KIAA1549L: variants seen among roughly 807,000 people sequenced by gnomAD.
KIAA1549L encodes KIAA1549 like.
KIAA1549L carries 88 observed loss-of-function variants against 160.7 expected under a neutral mutation model. That is an observed-to-expected ratio of 0.55 (90% CI 0.46 to 0.65). The LOEUF is 0.65. Ranked by LOEUF, KIAA1549L falls within the 30% of genes least tolerant of loss-of-function variation. The pLI is 0.00. For synonymous variants in KIAA1549L, 950 were observed against 976.7 expected (o/e 0.97, Z 0.51); for missense variants, 2,258 against 2,437.5 (o/e 0.93, Z 1.55).
At chr11:33,623,205 C>T (rs1851006850) in intron 16 of KIAA1549L, among the ~76,000 whole-genome samples, 1 of 152,202 alleles carries the variant, frequency 6.6e-6, no homozygotes, top group Non-Finnish European at 1.5e-5. Flanking sequence ...TGCCCTGGTG[C>T]TGCGTAATGG....
At chr11:33,658,469 C>T (rs1177537931) in intron 18 of KIAA1549L, among the ~76,000 whole-genome samples, 1 of 152,162 alleles carries the variant, frequency 6.6e-6, no homozygotes, top group Non-Finnish European at 1.5e-5. Flanking sequence ...TGTTCTACCA[C>T]CCAGAGACAT....
In KIAA1549L at chr11:33,552,189, T is replaced by A; in HGVS notation, c.3803T>A (p.Phe1268Tyr). 6.2e-7 allele frequency: 1 copy of A among 1,611,022 alleles called. No individual in the cohort carries two copies. Among genetic ancestry groups the A allele is most frequent in the Non-Finnish European group, 8.5e-7 (1 of 1,178,602 alleles). ...ATGGAACAGAGGCTGCAGAAGGCAT[T>A]CCAGGATGCCGAGAGGAAAGTCCTG... ...QTMEQRLQKA[F>Y]QDAERKVLNT... The change falls in exon 6 of 21, where the codon TTC becomes TAC. Residue 1268 changes from phenylalanine to tyrosine, a missense_variant. Phe to Tyr is a conservative substitution (Grantham distance 22, BLOSUM62 3). Around this residue, in one of 6 missense-constraint regions of KIAA1549L, gnomAD observed 1,359 missense variants for 1,546.6 expected, o/e 0.88. Transcript: ENST00000658780.
chr11:33,607,725 A>T (rs1242068950), intron 14 of KIAA1549L, among the ~76,000 whole-genome samples: 1 of 152,192 alleles, frequency 6.6e-6, no homozygotes, highest in Non-Finnish European at 1.5e-5. Flanking sequence ...CTCAAGGAAC[A>T]TGCTATGGCC....
rs1391138736 is a variant in KIAA1549L, at chr11:33,513,741, C to T, written c.239-28061C>T. Among the ~76,000 whole-genome samples, 5 of 152,178 alleles carry T rather than the reference C, an allele frequency of 3.3e-5. No homozygotes were observed. In the East Asian group the frequency reaches 5.8e-4, roughly 18 times the overall value. On this transcript the variant is annotated intron_variant, in intron 1 of 20. Coordinates refer to ENST00000658780, the MANE Select transcript of KIAA1549L (RefSeq NM_012194.3). ...AGTGATTGGCTTCTCCTGGGGCAGA[C>T]GTTCACTCTTGGGCCAGTTGGCCAC...
chr11:33,590,678 C>T (rs1394786542), intron 11 of KIAA1549L, among the ~76,000 whole-genome samples: 1 of 152,206 alleles, frequency 6.6e-6, no homozygotes, highest in African/African-American at 2.4e-5. Flanking sequence ...ACACACTTCC[C>T]TCTGTGTTCA....
intron 1 of KIAA1549L, among the ~76,000 whole-genome samples, chr11:33,527,297 T>G (rs1470804330): frequency 6.6e-6 from 1 of 152,056 alleles, no homozygotes; most frequent in African/African-American, 2.4e-5. Flanking sequence ...CAAATACGTA[T>G]AGCCAACTGA....
At chr11:33,460,810 AGAT>A (rs1283346161) in intron 1 of KIAA1549L, among the ~76,000 whole-genome samples, 1 of 152,190 alleles carries the variant, frequency 6.6e-6, no homozygotes, top group African/African-American at 2.4e-5. Context: ...GTGCAGGCAG[AGAT>A]GATCCTGAGG....
intron 1 of KIAA1549L, among the ~76,000 whole-genome samples, chr11:33,424,790 T>C (rs1203576692): frequency 6.6e-6 from 1 of 152,194 alleles, no homozygotes; most frequent in African/African-American, 2.4e-5. Flanking sequence ...AGTATTGAAA[T>C]ATACTCCTCT....
chr11:33,651,855 T>C (rs1458130215), intron 17 of KIAA1549L, among the ~76,000 whole-genome samples: 312 of 8,754 alleles, frequency 0.036, no homozygotes, highest in Middle Eastern at 0.083. Flanking sequence ...CCCCTCCCAT[T>C]CCCCTCCCCT....
chr11:33,636,536 G>T (rs1386755476), intron 16 of KIAA1549L, among the ~76,000 whole-genome samples: 1 of 151,764 alleles, frequency 6.6e-6, no homozygotes, highest in Non-Finnish European at 1.5e-5. Flanking sequence ...TCACCATGTT[G>T]GCCAGGCTGG....
At chr11:33,586,040 A>G (rs934944063) in intron 11 of KIAA1549L, among the ~76,000 whole-genome samples, 29 of 152,240 alleles carry the variant, frequency 1.9e-4, no homozygotes, top group Non-Finnish European at 7.3e-5. Context: ...TTCTGCTGTT[A>G]CAACCCAGGG....
chr11:33,630,522 G>T (rs895139047), intron 16 of KIAA1549L, among the ~76,000 whole-genome samples: 1 of 152,258 alleles, frequency 6.6e-6, no homozygotes, highest in Non-Finnish European at 1.5e-5. Flanking sequence ...CGCAGTATTC[G>T]GGTGGGAGTG....
chr11:33,627,523 A>T (rs1298173424), intron 16 of KIAA1549L, among the ~76,000 whole-genome samples: 1 of 152,068 alleles, frequency 6.6e-6, no homozygotes, highest in African/African-American at 2.4e-5. Context: ...CATTTCTTCT[A>T]GATTTTCTAG....
intron 1 of KIAA1549L, among the ~76,000 whole-genome samples, chr11:33,398,026 A>G: frequency 6.7e-6 from 1 of 150,064 alleles, no homozygotes; most frequent in Non-Finnish European, 1.5e-5. Context: ...GGGTTCAAGA[A>G]TTCTCCTGCC....
chr11:33,579,704 T>C (rs774334412), intron 10 of KIAA1549L, among the ~76,000 whole-genome samples: 11 of 152,124 alleles, frequency 7.2e-5, no homozygotes, highest in Non-Finnish European at 1.3e-4. Flanking sequence ...CGCTATAGAC[T>C]TGAGGATTCT....
At chr11:33,637,166 G>A (rs1009737506) in intron 16 of KIAA1549L, among the ~76,000 whole-genome samples, 2 of 152,148 alleles carry the variant, frequency 1.3e-5, no homozygotes, top group African/African-American at 4.8e-5. Flanking sequence ...AAAGAGTCTT[G>A]GCTTCAACTC....
chr11:33,521,012 A>T (rs767600826), intron 1 of KIAA1549L, among the ~76,000 whole-genome samples: 1 of 152,034 alleles, frequency 6.6e-6, no homozygotes, highest in Non-Finnish European at 1.5e-5. Context: ...AAAAAAAAGT[A>T]CAAAATTCAC....
intron 13 of KIAA1549L, among the ~76,000 whole-genome samples, chr11:33,603,126 C>T (rs527457447): frequency 2.5e-4 from 38 of 152,186 alleles, no homozygotes; most frequent in African/African-American, 7.9e-4. Flanking sequence ...AACAGCATCT[C>T]CTTTTCCAAG....
chr11:33,502,354 T>C (rs1222880468), intron 1 of KIAA1549L, among the ~76,000 whole-genome samples: 8 of 152,184 alleles, frequency 5.3e-5, no homozygotes, highest in Admixed American at 5.2e-4. Context: ...TTATGGGAAG[T>C]ATTGCACCGA....
Sources: allele counts gnomAD v4.1 joint callset (sites outside exome capture counted in the v4.1 genomes callset), GRCh38; gene constraint gnomAD v4.1.1; regional missense constraint gnomAD v4.1.1; transcripts MANE v1.5; gene names NCBI Gene and HGNC (gene_info 2026-07-23, HGNC 2026-07-21).